EYS: variants seen among roughly 807,000 people sequenced by gnomAD.
EYS encodes EGF-like photoreceptor maintenance factor.
In EYS, 250 loss-of-function variants were observed where a neutral mutation model predicts 282.1. The ratio of observed to expected loss-of-function variants is 0.89; its 90% CI spans 0.80 to 0.98. The LOEUF (loss-of-function observed/expected upper bound fraction) is 0.98, where lower values mean the gene tolerates loss of function less well. EYS is among the 50% of genes least tolerant of loss of function. EYS has a pLI of 0.00. For synonymous variants in EYS, 1,355 were observed against 1,282.9 expected (o/e 1.06, Z -1.20); for missense variants, 4,016 against 3,709.0 (o/e 1.08, Z -2.15).
chr6:65,424,662 T>C (rs1767594620), intron 5 of EYS, among the ~76,000 whole-genome samples: 1 of 152,092 alleles, frequency 6.6e-6, no homozygotes, highest in African/African-American at 2.4e-5. Flanking sequence ...AGTTTATAAA[T>C]GCTTTGGTAT....
intron 26 of EYS, among the ~76,000 whole-genome samples, chr6:64,586,669 G>A (rs1048479692): frequency 3.3e-5 from 5 of 151,964 alleles, no homozygotes; most frequent in Non-Finnish European, 2.9e-5. Context: ...AGTAAATTAC[G>A]TTATTAAATA....
intron 26 of EYS, among the ~76,000 whole-genome samples, chr6:64,547,398 T>C (rs1018062218): frequency 6.6e-6 from 1 of 152,138 alleles, no homozygotes; most frequent in Non-Finnish European, 1.5e-5. Flanking sequence ...ATCCCTGAGC[T>C]AGACACAAAA....
At chr6:64,166,361 G>A (rs147338088) in intron 31 of EYS, among the ~76,000 whole-genome samples, 1 of 152,202 alleles carries the variant, frequency 6.6e-6, no homozygotes, top group Non-Finnish European at 1.5e-5. Context: ...AGGTTCAAGT[G>A]ATTTGCACAA....
intron 33 of EYS, among the ~76,000 whole-genome samples, chr6:64,034,910 G>C (rs1161623400): frequency 6.6e-6 from 1 of 152,150 alleles, no homozygotes; most frequent in African/African-American, 2.4e-5. Context: ...TCTTACCAAA[G>C]CAACATGTGG....
intron 14 of EYS, among the ~76,000 whole-genome samples, chr6:64,973,162 C>T (rs1473252495): frequency 6.6e-6 from 1 of 151,912 alleles, no homozygotes. Flanking sequence ...AGTAAAATTG[C>T]CCAATATTCT....
At chr6:65,366,156 C>A (rs181198297) in intron 8 of EYS, among the ~76,000 whole-genome samples, 2 of 151,726 alleles carry the variant, frequency 1.3e-5, no homozygotes, top group East Asian at 3.9e-4. Flanking sequence ...TGTACACATG[C>A]AGGATATGGC....
At chr6:63,829,908 A>G (rs532285837) in intron 36 of EYS, among the ~76,000 whole-genome samples, 1 of 152,292 alleles carries the variant, frequency 6.6e-6, no homozygotes, top group South Asian at 2.1e-4. Context: ...ATTCTGCAAT[A>G]TTTGCTGTTC....
chr6:64,427,177 G>A (rs1774438017), intron 28 of EYS, among the ~76,000 whole-genome samples: 1 of 152,230 alleles, frequency 6.6e-6, no homozygotes, highest in Non-Finnish European at 1.5e-5. Flanking sequence ...GGATTATCTA[G>A]GAATTTACAT....
At chr6:65,060,232 T>G (rs992608446) in intron 12 of EYS, among the ~76,000 whole-genome samples, 3 of 83,790 alleles carry the variant, frequency 3.6e-5, no homozygotes, top group Non-Finnish European at 7.9e-5. Context: ...AAGGAAGACT[T>G]TTTTTTTTTT....
chr6:64,711,819 C>T (rs1478046010), intron 22 of EYS, among the ~76,000 whole-genome samples: 2 of 152,182 alleles, frequency 1.3e-5, no homozygotes, highest in African/African-American at 4.8e-5. Context: ...AGGCCATCTC[C>T]TCCTCTACCA....
At chr6:64,686,407 T>C (rs907961011) in intron 22 of EYS, among the ~76,000 whole-genome samples, 1 of 151,728 alleles carries the variant, frequency 6.6e-6, no homozygotes, top group African/African-American at 2.4e-5. Context: ...AAACAAACAT[T>C]ACCAATATGA....
chr6:63,736,346 C>T (rs2149638214), intron 41 of EYS, among the ~76,000 whole-genome samples: 1 of 152,228 alleles, frequency 6.6e-6, no homozygotes, highest in South Asian at 2.1e-4. Context: ...AATAGGGAAT[C>T]CTTTCCCCAT....
rs186596136 is a variant in EYS at position 65,115,499 on chromosome 6, A to T, written c.2024-57772T>A. Among the ~76,000 whole-genome samples the T allele has an allele frequency of 1.1e-3, 169 of 152,160 alleles. 1 individual carries two copies. The highest frequency in any genetic ancestry group is 3.9e-3 in the African/African-American group (161 of 41,574). Reference sequence around the variant, plus strand: ...TCAGACTAGCTAACAGACCTATCACATGCTTTGAAAAAAATGCCTGACACT... The same window carrying T: ...TCAGACTAGCTAACAGACCTATCACTTGCTTTGAAAAAAATGCCTGACACT... On this transcript the variant is annotated intron_variant, in intron 12 of 42. Transcript: ENST00000503581.
chr6:64,593,153 T>C lies in EYS; in HGVS notation c.3841A>G (p.Ile1281Val). ...SSFPSIKATR[I>V]PAIMDTYPVD... ...GGGTAAGTGTCCATTATGGCTGGTATTCTAGTAGCCTTTATAGATGGAAAG... is the reference window on the plus strand; with the variant it reads ...GGGTAAGTGTCCATTATGGCTGGTACTCTAGTAGCCTTTATAGATGGAAAG... The change falls in exon 25 of 43, where the codon ATA (isoleucine) becomes GTA (valine). Residue 1281 changes from isoleucine to valine, a missense_variant. Coordinates refer to ENST00000503581, the MANE Select transcript of EYS (RefSeq NM_001142800.2). The C allele has an allele frequency of 6.5e-7, 1 of 1,543,830 alleles. No individual in the cohort carries two copies. Among genetic ancestry groups the C allele is most frequent in the Non-Finnish European group, 8.7e-7 (1 of 1,143,856 alleles).
At chr6:64,560,545 A>C (rs1765362901) in intron 26 of EYS, among the ~76,000 whole-genome samples, 1 of 152,122 alleles carries the variant, frequency 6.6e-6, no homozygotes, top group Non-Finnish European at 1.5e-5. Flanking sequence ...CAAGGTTCAT[A>C]AAATATAGAA....
At chr6:65,393,391 T>C (rs1206469454) in intron 7 of EYS, among the ~76,000 whole-genome samples, 1 of 152,198 alleles carries the variant, frequency 6.6e-6, no homozygotes. Flanking sequence ...GCCCAGCTTT[T>C]GAGATAATTA....
At chr6:64,193,765 C>A (rs1204515235) in intron 31 of EYS, among the ~76,000 whole-genome samples, 1 of 152,026 alleles carries the variant, frequency 6.6e-6, no homozygotes, top group East Asian at 1.9e-4. Flanking sequence ...GTTTTCTGTC[C>A]TTGCGTTAGT....
At chr6:65,531,989 T>TA (rs1267229516) in intron 2 of EYS, among the ~76,000 whole-genome samples, 1 of 152,174 alleles carries the variant, frequency 6.6e-6, no homozygotes, top group Non-Finnish European at 1.5e-5. Context: ...ATGTGGATAA[T>TA]ATACGTTAAA....
chr6:64,587,981 T>C lies in EYS; in HGVS notation c.5644+2242A>G, dbSNP rs1234011870. The stretch of plus-strand genomic sequence containing the variant: ...TGGAACAATTGTATCACCAAGTTTT[T>C]CTATTTTCCTTTCCTTCATTGCCAG... On this transcript the variant is annotated intron_variant, in intron 26 of 42. Transcript: ENST00000503581. Among the ~76,000 whole-genome samples, 2 of 152,060 alleles carry C rather than the reference T, an allele frequency of 1.3e-5. 1 individual carries two copies. The highest frequency in any genetic ancestry group is 4.1e-4 in the South Asian group (2 of 4,828).
Sources: allele counts gnomAD v4.1 joint callset (sites outside exome capture counted in the v4.1 genomes callset), GRCh38; gene constraint gnomAD v4.1.1; transcripts MANE v1.5; gene names NCBI Gene and HGNC (gene_info 2026-07-23, HGNC 2026-07-21).